SARNP: variants seen among roughly 807,000 people sequenced by gnomAD.
SARNP encodes the protein SAP domain-containing ribonucleoprotein.
A neutral mutation model predicts 38.1 loss-of-function variants in SARNP; 5 were observed. That is an observed-to-expected ratio of 0.13 (90% CI 0.07 to 0.28). SARNP has a LOEUF of 0.28. Among genes scored for constraint, SARNP ranks in the 10% least tolerant of loss-of-function variants. The probability of loss-of-function intolerance (pLI) is 1.00; values close to 1 mark genes in which losing one functional copy is unlikely to be tolerated. For synonymous variants in SARNP, 84 were observed against 80.6 expected (o/e 1.04, Z -0.23); for missense variants, 180 against 243.9 (o/e 0.74, Z 1.75).
At chr12:55,805,194 G>A (rs760852105) in intron 1 of SARNP, among the ~76,000 whole-genome samples, 3 of 152,182 alleles carry the variant, frequency 2.0e-5, no homozygotes, top group African/African-American at 4.8e-5. Context: ...CCCTGGAGGC[G>A]GAACTTGCAG....
chr12:55,796,623 G>A (rs569834237), intron 4 of SARNP, among the ~76,000 whole-genome samples: 1 of 151,832 alleles, frequency 6.6e-6, no homozygotes, highest in African/African-American at 2.4e-5. Context: ...GGCTAGTCAC[G>A]AACTCCTGGC....
In SARNP at chr12:55,787,784, T is replaced by C. The variant is rs560484469; in HGVS notation, c.501+1291A>G. On this transcript the variant is annotated intron_variant, in intron 9 of 10. Coordinates refer to ENST00000336133, the MANE Select transcript of SARNP (RefSeq NM_033082.4). ...TTTTTCTTGAGACGGAGTCTCGCTC[T>C]GTCGCCCAGGCTGGAGTGCAGTGGT... Among the ~76,000 whole-genome samples, 4 of 151,514 alleles carry C rather than the reference T, an allele frequency of 2.6e-5. No homozygotes were observed. In the South Asian group the frequency reaches 6.3e-4, roughly 24 times the overall value.
At chr12:55,802,881 CAGACT>C (rs910728710) in intron 2 of SARNP, among the ~76,000 whole-genome samples, 4 of 149,376 alleles carry the variant, frequency 2.7e-5, no homozygotes, top group African/African-American at 9.9e-5. Context: ...TTAGAATCAA[CAGACT>C]AGATAACTAC....
intron 9 of SARNP, among the ~76,000 whole-genome samples, chr12:55,779,175 G>A (rs1879270762): frequency 6.6e-6 from 1 of 152,248 alleles, no homozygotes; most frequent in Middle Eastern, 3.4e-3. Context: ...TTCTTTCCTT[G>A]TTGGTTAATC....
chr12:55,753,357 C>T (rs890186194), downstream of SARNP: 9 of 152,182 alleles, frequency 5.9e-5, no homozygotes, highest in African/African-American at 2.2e-4. Context: ...GCTAAAATAG[C>T]ATCTCAAATA....
At chr12:55,814,946 A>G (rs1003435684) in intron 1 of SARNP, among the ~76,000 whole-genome samples, 42 of 152,092 alleles carry the variant, frequency 2.8e-4, no homozygotes, top group Non-Finnish European at 1.2e-4. Flanking sequence ...GACATTACAT[A>G]TCAACTCAGA....
At chr12:55,802,194 C>T (rs1024939583) in intron 2 of SARNP, among the ~76,000 whole-genome samples, 2 of 152,014 alleles carry the variant, frequency 1.3e-5, no homozygotes, top group Non-Finnish European at 2.9e-5. Flanking sequence ...ATCTACAGAG[C>T]AATTCTGGAA....
In SARNP at chr12:55,774,558, T is replaced by TAAA. The variant is rs1565673497; in HGVS notation, c.502-13919_502-13918insTTT. Among the ~76,000 whole-genome samples the TAAA allele has an allele frequency of 2.6e-3, 107 of 40,510 alleles. 8 individuals carry two copies. Among genetic ancestry groups the TAAA allele is most frequent in the African/African-American group, 4.3e-3 (96 of 22,444 alleles). 26.6% of individuals were successfully genotyped at this position (40,510 alleles called of 152,430 possible). ...CGACACGGTGAAACCCCGTCTCTAC[T>TAAA]GAAAAAAAAAAAAAAACAAACAAAA... On this transcript the variant is annotated intron_variant, in intron 9 of 10. Coordinates refer to ENST00000336133, the MANE Select transcript of SARNP (RefSeq NM_033082.4).
chr12:55,786,053 ATC>A (rs2136192284), intron 9 of SARNP, among the ~76,000 whole-genome samples: 1 of 152,334 alleles, frequency 6.6e-6, no homozygotes, highest in African/African-American at 2.4e-5. Context: ...TAACATATGT[ATC>A]TGTTTTACTC....
At chr12:55,777,596 G>A (rs758419873) in intron 9 of SARNP, among the ~76,000 whole-genome samples, 4 of 151,994 alleles carry the variant, frequency 2.6e-5, no homozygotes, top group East Asian at 1.9e-4. Flanking sequence ...GGATGTTCTC[G>A]ATCTCCTGAC....
chr12:55,799,322 T>A (rs541873314), intron 4 of SARNP, among the ~76,000 whole-genome samples: 6 of 152,190 alleles, frequency 3.9e-5, no homozygotes, highest in Non-Finnish European at 5.9e-5. Context: ...CGGCTCTTAA[T>A]GTACTATAGT....
intron 9 of SARNP, 152 bp from the exon 10 acceptor site, chr12:55,760,792 G>T: frequency 1.6e-6 from 1 of 616,078 alleles, no homozygotes; most frequent in Admixed American, 2.9e-5. Flanking sequence ...ATAAGAAACT[G>T]AATAAGCTAG....
chr12:55,757,083 A>T, downstream of SARNP: 1 of 153,186 alleles, frequency 6.5e-6, no homozygotes, highest in Non-Finnish European at 1.5e-5. Flanking sequence ...GAGGATAAAA[A>T]ATGCTTGTGA....
chr12:55,769,844 A>G (rs540811122), intron 9 of SARNP, among the ~76,000 whole-genome samples: 8 of 152,344 alleles, frequency 5.3e-5, no homozygotes, highest in African/African-American at 7.2e-5. Context: ...GCAGACTAAT[A>G]TAAGTGTTCT....
intron 1 of SARNP, among the ~76,000 whole-genome samples, chr12:55,808,706 A>G (rs1206069211): frequency 6.6e-6 from 1 of 151,640 alleles, no homozygotes; most frequent in East Asian, 1.9e-4. Context: ...GGCTGCTATG[A>G]ACTGTGATCA....
chr12:55,790,824 G>T (rs1879645992), intron 7 of SARNP, among the ~76,000 whole-genome samples: 1 of 152,164 alleles, frequency 6.6e-6, no homozygotes, highest in Non-Finnish European at 1.5e-5. Context: ...AGTTACATAT[G>T]ATCCCACAAT....
At chr12:55,809,521 G>A (rs912532143) in intron 1 of SARNP, among the ~76,000 whole-genome samples, 1 of 151,816 alleles carries the variant, frequency 6.6e-6, no homozygotes, top group Non-Finnish European at 1.5e-5. Flanking sequence ...TTGGGAGGTC[G>A]ACGCAGGAGG....
chr12:55,809,167 C>G (rs971099837), intron 1 of SARNP, among the ~76,000 whole-genome samples: 2 of 152,124 alleles, frequency 1.3e-5, no homozygotes, highest in African/African-American at 2.4e-5. Context: ...GATCATGCCA[C>G]TGCACTCCAG....
At position 55,803,845 on chromosome 12, in the gene SARNP, C is replaced by A. The variant is rs1428800379; in HGVS notation, c.37-117G>T. 3 of 638,528 alleles carry A rather than the reference C, an allele frequency of 4.7e-6. No homozygotes were observed. The East Asian group carries it at 8.2e-5, about 18-fold the overall frequency. 39.6% of individuals were successfully genotyped at this position (638,528 alleles called of 1,614,324 possible). A position where few individuals can be genotyped will look rare whatever the true frequency, so the allele number is the denominator to read the frequency against. ...AATGAAGTTCCATCCCAAATTACTGCCCTTAATTCTACCAAGGCTCTAGGT... is the reference window on the plus strand; with the variant it reads ...AATGAAGTTCCATCCCAAATTACTGACCTTAATTCTACCAAGGCTCTAGGT... On this transcript the variant is annotated intron_variant, in intron 1 of 10. Transcript: ENST00000336133.
Sources: gnomAD v4.1 joint callset for allele counts (sites outside exome capture counted in the v4.1 genomes callset) on GRCh38, gnomAD v4.1.1 for gene constraint, MANE v1.5 for transcripts, NCBI Gene and HGNC (gene_info 2026-07-23, HGNC 2026-07-21) for gene names.